DLG2: variants seen among roughly 807,000 people sequenced by gnomAD.
The protein encoded by DLG2 is disks large homolog 2.
DLG2 carries 45 observed loss-of-function variants against 132.5 expected under a neutral mutation model. The observed-to-expected ratio is 0.34, with a 90% CI of 0.27 to 0.44. The LOEUF is 0.44. Ranked by LOEUF, DLG2 falls within the 20% of genes least tolerant of loss-of-function variation. The pLI is 1.00. For missense variants in DLG2, 1,045 were observed against 1,196.9 expected, an observed-to-expected ratio of 0.87 and a Z score of 1.87; for synonymous variants, 424 against 419.6, an observed-to-expected ratio of 1.01 and a Z score of -0.13.
intron 6 of DLG2, among the ~76,000 whole-genome samples, chr11:84,714,620 TC>T: frequency 8.8e-6 from 1 of 113,676 alleles, no homozygotes; most frequent in African/African-American, 4.1e-5. Flanking sequence ...TTTCTCTTTC[TC>T]TTTCTCTCTC....
At chr11:85,549,840 C>T (rs915363265) in intron 3 of DLG2, among the ~76,000 whole-genome samples, 6 of 152,168 alleles carry the variant, frequency 3.9e-5, no homozygotes, top group African/African-American at 1.4e-4. Context: ...GAGCGATGAC[C>T]AGTTTACAAA....
intron 3 of DLG2, among the ~76,000 whole-genome samples, chr11:85,309,080 T>C (rs2152805573): frequency 6.6e-6 from 1 of 152,248 alleles, no homozygotes; most frequent in East Asian, 1.9e-4. Context: ...CTTAGGAGGT[T>C]GTCCAGTCTC....
intron 3 of DLG2, among the ~76,000 whole-genome samples, chr11:85,538,683 C>G (rs2075770198): frequency 6.6e-6 from 1 of 151,786 alleles, no homozygotes; most frequent in South Asian, 2.1e-4. Context: ...AGTTCATGTC[C>G]TTTGTAGGGA....
At chr11:85,460,000 G>A (rs898542129) in intron 3 of DLG2, among the ~76,000 whole-genome samples, 2 of 152,158 alleles carry the variant, frequency 1.3e-5, no homozygotes, top group African/African-American at 4.8e-5. Context: ...GGCTATATTG[G>A]CAGGGGCTGA....
At chr11:85,174,654 C>CAA (rs1284451853) in intron 4 of DLG2, among the ~76,000 whole-genome samples, 1 of 151,894 alleles carries the variant, frequency 6.6e-6, no homozygotes, top group Non-Finnish European at 1.5e-5. Flanking sequence ...AAAAACCCTT[C>CAA]AAAAAAGTCA....
chr11:84,181,359 T>C (rs1049970808), intron 8 of DLG2, among the ~76,000 whole-genome samples: 7 of 151,636 alleles, frequency 4.6e-5, no homozygotes, highest in African/African-American at 7.3e-5. Flanking sequence ...GTATAATTGA[T>C]ATATTAATAA....
chr11:85,120,416 C>T (rs931163528), intron 5 of DLG2, among the ~76,000 whole-genome samples: 1 of 151,786 alleles, frequency 6.6e-6, no homozygotes, highest in Non-Finnish European at 1.5e-5. Context: ...CAAGAAAACA[C>T]CATATCTAGA....
chr11:85,056,102 GAAAT>G (rs1401807811), intron 6 of DLG2, among the ~76,000 whole-genome samples: 1 of 151,666 alleles, frequency 6.6e-6, no homozygotes, highest in Non-Finnish European at 1.5e-5. Context: ...AGCTATCCAA[GAAAT>G]AATAAAAGAA....
chr11:84,732,314 T>C (rs1210099515), intron 6 of DLG2, among the ~76,000 whole-genome samples: 2 of 152,060 alleles, frequency 1.3e-5, no homozygotes, highest in East Asian at 3.9e-4. Flanking sequence ...CTGATGAATA[T>C]GTGTTTATAT....
chr11:83,952,293 A>G (rs1407775326), intron 14 of DLG2, among the ~76,000 whole-genome samples: 1 of 152,076 alleles, frequency 6.6e-6, no homozygotes, highest in Non-Finnish European at 1.5e-5. Flanking sequence ...GCTGTAGTGA[A>G]CTGAGATCGA....
intron 6 of DLG2, among the ~76,000 whole-genome samples, chr11:85,033,027 C>T (rs2061153895): frequency 6.6e-6 from 1 of 152,176 alleles, no homozygotes; most frequent in South Asian, 2.1e-4. Context: ...GCAAATCATA[C>T]TCAGTCTTGC....
intron 6 of DLG2, among the ~76,000 whole-genome samples, chr11:84,940,540 T>C (rs2049284756): frequency 6.6e-6 from 1 of 152,258 alleles, no homozygotes; most frequent in African/African-American, 2.4e-5. Flanking sequence ...GAAATGTGTA[T>C]TGAGATCTTT....
chr11:83,506,723 T>C (rs1051932722), intron 21 of DLG2, among the ~76,000 whole-genome samples: 1 of 152,156 alleles, frequency 6.6e-6, no homozygotes, highest in Non-Finnish European at 1.5e-5. Flanking sequence ...AAAAGGTTCA[T>C]CAGAATTTAC....
intron 18 of DLG2, among the ~76,000 whole-genome samples, chr11:83,763,226 A>G (rs1044167828): frequency 6.6e-6 from 1 of 152,172 alleles, no homozygotes; most frequent in African/African-American, 2.4e-5. Context: ...CTTGTTATAT[A>G]GGTAAACTGT....
chr11:84,856,102 T>C (rs1445448759), intron 6 of DLG2, among the ~76,000 whole-genome samples: 1 of 152,132 alleles, frequency 6.6e-6, no homozygotes, highest in Admixed American at 6.6e-5. Context: ...TCATTACTCA[T>C]TACAAAGTCA....
chr11:84,830,916 T>C (rs753980286), intron 6 of DLG2, among the ~76,000 whole-genome samples: 7 of 150,898 alleles, frequency 4.6e-5, no homozygotes, highest in Non-Finnish European at 1.0e-4. Flanking sequence ...ATAAAACTTA[T>C]AACATTAAGC....
chr11:85,624,930 T>C lies in DLG2; in HGVS notation c.-93+1657A>G, dbSNP rs146839539. 7.2e-4 allele frequency among the ~76,000 whole-genome samples: 109 copies of C among 152,286 alleles called. 2 individuals carry two copies. In the East Asian group the frequency reaches 0.014, roughly 20 times the overall value. On this transcript the variant is annotated intron_variant, in intron 2 of 27. Transcript: ENST00000376104. ...AAAGAAAGGAAATTCTTCTAAAGTA[T>C]TATAATTTCACCAATGTATCAGCAA...
chr11:84,011,506 TAAC>T (rs1259070363), intron 11 of DLG2, among the ~76,000 whole-genome samples: 2 of 151,904 alleles, frequency 1.3e-5, no homozygotes, highest in African/African-American at 2.4e-5. Context: ...AATTAATTAA[TAAC>T]AAGAAAAACC....
chr11:83,697,728 G>A (rs2082175986), intron 18 of DLG2, among the ~76,000 whole-genome samples: 1 of 152,110 alleles, frequency 6.6e-6, no homozygotes, highest in African/African-American at 2.4e-5. Flanking sequence ...TGGCATATAA[G>A]GTATGTAAAA....
Sources: gnomAD v4.1 joint callset for allele counts (sites outside exome capture counted in the v4.1 genomes callset) on GRCh38, gnomAD v4.1.1 for gene constraint, MANE v1.5 for transcripts, NCBI Gene and HGNC (gene_info 2026-07-23, HGNC 2026-07-21) for gene names.